Variants in ADGRD1 observed in about 807,000 individuals in gnomAD.
ADGRD1 encodes adhesion G protein-coupled receptor D1.
ADGRD1 carries 77 observed loss-of-function variants against 113.4 expected under a neutral mutation model. The observed-to-expected ratio is 0.68, with a 90% CI of 0.57 to 0.82. The LOEUF (loss-of-function observed/expected upper bound fraction) is 0.82, where lower values mean the gene tolerates loss of function less well. Among genes scored for constraint, ADGRD1 ranks in the 40% least tolerant of loss-of-function variants. The pLI is 0.00. For missense variants in ADGRD1, 1,036 were observed against 1,139.1 expected, an observed-to-expected ratio of 0.91 and a Z score of 1.30; for synonymous variants, 474 against 475.0, an observed-to-expected ratio of 1.00 and a Z score of 0.03.
intron 13 of ADGRD1, among the ~76,000 whole-genome samples, chr12:131,071,751 C>T (rs1340438771): frequency 6.6e-6 from 1 of 152,164 alleles, no homozygotes; most frequent in Non-Finnish European, 1.5e-5. Flanking sequence ...GGGATGCGGG[C>T]ACCAGGGTGC....
At chr12:131,035,452 A>G (rs1392132801) in intron 13 of ADGRD1, 1 of 152,290 alleles carries the variant, frequency 6.6e-6, no homozygotes, top group Non-Finnish European at 1.5e-5. Context: ...CTGGGCAGTC[A>G]CGCCCCGAGG....
At chr12:131,017,001 G>C (rs905515806) in intron 13 of ADGRD1, among the ~76,000 whole-genome samples, 7 of 152,106 alleles carry the variant, frequency 4.6e-5, no homozygotes, top group Admixed American at 6.5e-5. Context: ...GCACTGTGAA[G>C]CACAGCCGAC....
chr12:131,066,882 A>C lies in ADGRD1; in HGVS notation c.1474-9919A>C, dbSNP rs1220946522. On this transcript the variant is annotated intron_variant, in intron 13 of 24. Coordinates refer to ENST00000261654, the MANE Select transcript of ADGRD1 (RefSeq NM_198827.5). Reference sequence around the variant, plus strand: ...GAGGCAGGTCAGGGGCTACGGGCAGATCTTTCCGGGCCCGGGGGCAACTTT... The same window carrying C: ...GAGGCAGGTCAGGGGCTACGGGCAGCTCTTTCCGGGCCCGGGGGCAACTTT... Among the ~76,000 whole-genome samples, 5 of 152,218 alleles carry C rather than the reference A, an allele frequency of 3.3e-5. No homozygotes were observed. The East Asian group carries it at 9.7e-4, about 30-fold the overall frequency.
intron 2 of ADGRD1, chr12:130,962,082 C>T (rs935461593): frequency 4.6e-5 from 7 of 152,334 alleles, no homozygotes; most frequent in African/African-American, 7.2e-5. Flanking sequence ...GGATGCCATC[C>T]CTGGACTCTG....
intron 3 of ADGRD1, chr12:130,968,506 T>G (rs1273140557): frequency 6.3e-6 from 1 of 159,540 alleles, no homozygotes; most frequent in African/African-American, 2.4e-5. Context: ...TTTGAGGATG[T>G]GCGGCTTTGT....
chr12:131,048,476 G>T (rs533148742), intron 13 of ADGRD1, among the ~76,000 whole-genome samples: 1 of 152,278 alleles, frequency 6.6e-6, no homozygotes, highest in South Asian at 2.1e-4. Context: ...CATCTTTCCC[G>T]GGTTTGAGCC....
chr12:131,129,578 G>A (rs948101148), intron 20 of ADGRD1, among the ~76,000 whole-genome samples: 4 of 152,218 alleles, frequency 2.6e-5, no homozygotes, highest in Admixed American at 1.3e-4. Context: ...TGAGGCCCCC[G>A]CCTGTGTCAG....
chr12:131,105,480 T>C (rs1308857581), intron 16 of ADGRD1, among the ~76,000 whole-genome samples: 2 of 152,148 alleles, frequency 1.3e-5, no homozygotes, highest in Non-Finnish European at 2.9e-5. Flanking sequence ...AAGCTGGGGC[T>C]TTGAGAAGCA....
intron 6 of ADGRD1, chr12:130,990,785 G>A (rs182725024): frequency 4.4e-6 from 2 of 449,538 alleles, no homozygotes; most frequent in East Asian, 3.8e-5. Flanking sequence ...GTTCAAAAGC[G>A]ATTGAGAATA....
intron 20 of ADGRD1, among the ~76,000 whole-genome samples, chr12:131,121,543 G>GT (rs1250809158): frequency 1.3e-5 from 2 of 152,156 alleles, no homozygotes; most frequent in Non-Finnish European, 2.9e-5. Context: ...ACCACGCCCA[G>GT]CTAATTTTGT....
At chr12:131,030,491 G>C (rs1880579186) in intron 13 of ADGRD1, 1 of 152,610 alleles carries the variant, frequency 6.6e-6, no homozygotes, top group African/African-American at 2.4e-5. Context: ...CACCCACCTT[G>C]GTGAATGGGA....
intron 15 of ADGRD1, 94 bp from the exon 16 acceptor site, chr12:131,104,737 G>A: frequency 1.3e-6 from 1 of 750,484 alleles, no homozygotes; most frequent in Non-Finnish European, 2.2e-6. Flanking sequence ...CACTCACAGG[G>A]GACCAGCTGT....
At chr12:131,067,683 C>T (rs1884833236) in intron 13 of ADGRD1, among the ~76,000 whole-genome samples, 1 of 102,784 alleles carries the variant, frequency 9.7e-6, no homozygotes, top group South Asian at 4.2e-4. Context: ...ATCGCTGTGC[C>T]CCTGATCCTT....
chr12:131,015,504 G>A, intron 13 of ADGRD1, among the ~76,000 whole-genome samples: 1 of 149,758 alleles, frequency 6.7e-6, no homozygotes, highest in East Asian at 2.0e-4. Flanking sequence ...GAGGGGACTG[G>A]AGATGATGGA....
chr12:131,019,548 G>A (rs1263033645), intron 13 of ADGRD1, among the ~76,000 whole-genome samples: 2 of 152,256 alleles, frequency 1.3e-5, no homozygotes, highest in Non-Finnish European at 2.9e-5. Context: ...AAGGGAGCAA[G>A]GAATGAGCGA....
chr12:131,021,894 A>T (rs1399021829), intron 13 of ADGRD1, among the ~76,000 whole-genome samples: 1 of 151,976 alleles, frequency 6.6e-6, no homozygotes, highest in African/African-American at 2.4e-5. Context: ...ATTTGTAGAG[A>T]TGAGATCTCA....
rs553170341 is a variant in ADGRD1 at position 131,111,370 on chromosome 12, G to A, written c.2041+2493G>A. Among the ~76,000 whole-genome samples, 327 of 152,354 alleles carry A rather than the reference G, an allele frequency of 2.1e-3. 1 individual carries two copies. Among genetic ancestry groups the A allele is most frequent in the African/African-American group, 7.1e-3 (296 of 41,584 alleles). Reference sequence around the variant, plus strand: ...GCCTCCCAAAGGGCTGGGATTACAGGCGTGAGCCACCATGCCTGGCCCACT... The same window carrying A: ...GCCTCCCAAAGGGCTGGGATTACAGACGTGAGCCACCATGCCTGGCCCACT... On this transcript the variant is annotated intron_variant, in intron 18 of 24. Transcript: ENST00000261654.
intron 13 of ADGRD1, among the ~76,000 whole-genome samples, chr12:131,028,672 C>G (rs541828279): frequency 1.3e-5 from 2 of 152,300 alleles, no homozygotes; most frequent in East Asian, 3.9e-4. Flanking sequence ...GTAATTTACC[C>G]AGCTCCACGT....
intron 20 of ADGRD1, among the ~76,000 whole-genome samples, chr12:131,123,402 T>G (rs1227947006): frequency 6.6e-6 from 1 of 152,106 alleles, no homozygotes; most frequent in Non-Finnish European, 1.5e-5. Context: ...TTCGGCTTGT[T>G]GGCCTTTAGA....
Sources: allele counts gnomAD v4.1 joint callset (sites outside exome capture counted in the v4.1 genomes callset), GRCh38; gene constraint gnomAD v4.1.1; transcripts MANE v1.5; gene names NCBI Gene and HGNC (gene_info 2026-07-23, HGNC 2026-07-21).